Variants in CTNNA2 observed in about 807,000 individuals in gnomAD.
CTNNA2 encodes the protein catenin alpha-2.
CTNNA2 carries 42 observed loss-of-function variants against 101.0 expected under a neutral mutation model. The observed-to-expected ratio is 0.42, with a 90% CI of 0.32 to 0.54. The LOEUF (loss-of-function observed/expected upper bound fraction) is 0.54. Among genes scored for constraint, CTNNA2 ranks in the 20% least tolerant of loss-of-function variants. The pLI is 0.14. For synonymous variants in CTNNA2, 450 were observed against 456.4 expected, an observed-to-expected ratio of 0.99 and a Z score of 0.18; for missense variants, 871 against 1,223.1, an observed-to-expected ratio of 0.71 and a Z score of 4.29.
At chr2:79,668,272 A>G (rs951473186) in intron 2 of CTNNA2, among the ~76,000 whole-genome samples, 1 of 147,870 alleles carries the variant, frequency 6.8e-6, no homozygotes, top group African/African-American at 2.5e-5. Flanking sequence ...AAAAAAAAAA[A>G]AACTTGAACA....
intron 1 of CTNNA2, among the ~76,000 whole-genome samples, chr2:79,553,708 A>G (rs553257046): frequency 6.6e-6 from 1 of 152,282 alleles, no homozygotes; most frequent in African/African-American, 2.4e-5. Context: ...TATCATGAGA[A>G]CAACAGGGGG....
chr2:80,146,079 G>A (rs1305623987), intron 7 of CTNNA2, among the ~76,000 whole-genome samples: 1 of 152,154 alleles, frequency 6.6e-6, no homozygotes. Flanking sequence ...GAATATCATT[G>A]CAATGCTGTG....
chr2:80,268,999 A>G (rs1428676212), intron 7 of CTNNA2, among the ~76,000 whole-genome samples: 1 of 152,222 alleles, frequency 6.6e-6, no homozygotes, highest in Non-Finnish European at 1.5e-5. Flanking sequence ...ATGTATTTCA[A>G]TGCAGTAGTC....
At chr2:79,190,506 A>C (rs17016473) in intron 1 of CTNNA2, among the ~76,000 whole-genome samples, 17,997 of 152,088 alleles carry the variant, frequency 0.12, 1,153 homozygotes, top group Middle Eastern at 0.21. Context: ...ATAGGTGGCC[A>C]ACAAATGTTT....
intron 18 of CTNNA2, among the ~76,000 whole-genome samples, chr2:80,623,788 A>G (rs1671391751): frequency 6.6e-6 from 1 of 151,922 alleles, no homozygotes; most frequent in Admixed American, 6.6e-5. Context: ...TTTCACACCA[A>G]AGTTTTAGAA....
At chr2:80,583,390 T>C (rs1254160174) in intron 14 of CTNNA2, among the ~76,000 whole-genome samples, 1 of 152,178 alleles carries the variant, frequency 6.6e-6, no homozygotes, top group Non-Finnish European at 1.5e-5. Flanking sequence ...CCCTAAAATG[T>C]TGAAAATTGG....
intron 7 of CTNNA2, among the ~76,000 whole-genome samples, chr2:80,282,762 T>C (rs1458496923): frequency 6.6e-6 from 1 of 152,208 alleles, no homozygotes; most frequent in East Asian, 1.9e-4. Flanking sequence ...CAACACCTGT[T>C]GCTTACTAGT....
At chr2:80,320,389 C>G (rs1384374731) in intron 7 of CTNNA2, among the ~76,000 whole-genome samples, 1 of 152,162 alleles carries the variant, frequency 6.6e-6, no homozygotes. Flanking sequence ...AATGTTTAAC[C>G]CACCTCTGCT....
chr2:80,081,230 T>C (rs1047799753), intron 7 of CTNNA2, among the ~76,000 whole-genome samples: 5 of 152,124 alleles, frequency 3.3e-5, no homozygotes, highest in Admixed American at 2.0e-4. Context: ...GCAATTTGTG[T>C]TTGGTGTTTT....
intron 17 of CTNNA2, among the ~76,000 whole-genome samples, chr2:80,616,934 T>G (rs189806230): frequency 1.3e-5 from 2 of 151,864 alleles, no homozygotes; most frequent in Non-Finnish European, 3.0e-5. Flanking sequence ...TGCATTGGGT[T>G]CCTGAAGTCA....
At chr2:79,879,447 A>G (rs544705625) in intron 6 of CTNNA2, among the ~76,000 whole-genome samples, 21 of 152,150 alleles carry the variant, frequency 1.4e-4, no homozygotes, top group Non-Finnish European at 2.9e-4. Flanking sequence ...CTTCCTATCC[A>G]TGAGGTTGGA....
In CTNNA2 at chr2:79,623,954, G is replaced by A. The variant is rs554197025; in HGVS notation, c.-5-27598G>A. On this transcript the variant is annotated intron_variant, in intron 1 of 18. Coordinates refer to ENST00000402739, the MANE Select transcript of CTNNA2 (RefSeq NM_001282597.3). ...CTGTAACTTGACTTAAATCATTTGC[G>A]AAAGAATTCTTGAGTCATATGGAAG... Among the ~76,000 whole-genome samples the A allele has an allele frequency of 1.3e-3, 197 of 152,136 alleles. 1 individual carries two copies. The highest frequency in any genetic ancestry group is 4.5e-3 in the African/African-American group (187 of 41,500).
At chr2:80,077,206 AT>A (rs1443307896) in intron 7 of CTNNA2, among the ~76,000 whole-genome samples, 6 of 152,200 alleles carry the variant, frequency 3.9e-5, no homozygotes, top group African/African-American at 1.4e-4. Flanking sequence ...CAGTTTGGCA[AT>A]TTCTTTGTTA....
At chr2:79,511,990 CTT>C (rs374525550), upstream of CTNNA2, among the ~76,000 whole-genome samples, 71 of 152,256 alleles carry the variant, frequency 4.7e-4, no homozygotes, top group African/African-American at 1.7e-3. Flanking sequence ...GTTTCTCTCT[CTT>C]GATTTAAAAC....
chr2:79,711,690 AT>A (rs1034385668), intron 2 of CTNNA2, among the ~76,000 whole-genome samples: 2 of 152,138 alleles, frequency 1.3e-5, no homozygotes, highest in African/African-American at 4.8e-5. Flanking sequence ...AAGAACAGGG[AT>A]TGGAGAACTT....
chr2:80,134,375 TA>T (rs1168607225), intron 7 of CTNNA2, among the ~76,000 whole-genome samples: 2 of 152,076 alleles, frequency 1.3e-5, no homozygotes, highest in Non-Finnish European at 2.9e-5. Context: ...GCAACTACGC[TA>T]AGTGCTGACC....
Position 79,656,842 on chromosome 2 carries a change from T to TA in CTNNA2, c.102+5193dup, listed in dbSNP as rs149483265. Among the ~76,000 whole-genome samples the TA allele has an allele frequency of 3.5e-3, 533 of 150,750 alleles. 11 individuals carry two copies. The East Asian group carries it at 0.048, about 14-fold the overall frequency. ...TTATTAGGCAACTTTATTACAAAAC[T>TA]AAAAAAAAATTATTAGGAAATTAAG... On this transcript the variant is annotated intron_variant, in intron 2 of 18. Transcript: ENST00000402739.
At chr2:79,236,350 T>C (rs1297168657) in intron 2 of CTNNA2, among the ~76,000 whole-genome samples, 2 of 152,104 alleles carry the variant, frequency 1.3e-5, no homozygotes, top group Non-Finnish European at 2.9e-5. Context: ...CCCAGGCTGG[T>C]CTCAAATCCT....
chr2:80,281,510 C>T (rs1230136965), intron 7 of CTNNA2, among the ~76,000 whole-genome samples: 3 of 152,092 alleles, frequency 2.0e-5, no homozygotes, highest in Admixed American at 6.6e-5. Flanking sequence ...GGCAATTTCT[C>T]CTTATGTCCT....
Sources: gnomAD v4.1 joint callset for allele counts (sites outside exome capture counted in the v4.1 genomes callset) on GRCh38, gnomAD v4.1.1 for gene constraint, MANE v1.5 for transcripts, NCBI Gene and HGNC (gene_info 2026-07-23, HGNC 2026-07-21) for gene names.